SLC9A4: variants seen among roughly 807,000 people sequenced by gnomAD.
SLC9A4 encodes the protein sodium/hydrogen exchanger 4.
A neutral mutation model predicts 67.4 loss-of-function variants in SLC9A4; 63 were observed. The ratio of observed to expected loss-of-function variants is 0.93; its 90% confidence interval spans 0.76 to 1.15. The LOEUF is 1.15. Ranked by LOEUF, SLC9A4 falls within the 50% of genes most tolerant of loss-of-function variation. The pLI is 0.00. For missense variants in SLC9A4, 1,089 were observed against 987.7 expected (o/e 1.10, Z -1.38); for synonymous variants, 393 against 367.2 (o/e 1.07, Z -0.80).
chr2:102,510,693 T>G (rs916174345), intron 6 of SLC9A4, among the ~76,000 whole-genome samples: 2 of 152,264 alleles, frequency 1.3e-5, no homozygotes, highest in Admixed American at 6.5e-5. Flanking sequence ...CCTGTTTGTT[T>G]CTAAAATCAC....
At chr2:102,478,782 A>G in intron 1 of SLC9A4, 57 bp from the exon 2 acceptor site, 2 of 1,534,818 alleles carry the variant, frequency 1.3e-6, no homozygotes, top group Non-Finnish European at 1.8e-6. Context: ...AAAAGACCTC[A>G]GGTACACCCA....
chr2:102,478,791 C>G (rs1380549541), intron 1 of SLC9A4, 48 bp from the exon 2 acceptor site: 2 of 1,573,634 alleles, frequency 1.3e-6, no homozygotes, highest in Non-Finnish European at 1.7e-6. Context: ...CAGGTACACC[C>G]AGACCGTTTC....
At chr2:102,526,380 C>T (rs752184288) in intron 11 of SLC9A4, 34 bp downstream of exon 11, 23 of 1,600,546 alleles carry the variant, frequency 1.4e-5, no homozygotes. Context: ...TGCTGCTTTT[C>T]TGTAGAGTCA....
intron 9 of SLC9A4, among the ~76,000 whole-genome samples, chr2:102,523,467 G>A (rs1208514062): frequency 6.6e-6 from 1 of 152,172 alleles, no homozygotes; most frequent in African/African-American, 2.4e-5. Flanking sequence ...ACCGTCTCAT[G>A]TATGGACTCA....
At chr2:102,510,410 C>A (rs1335883518) in intron 6 of SLC9A4, among the ~76,000 whole-genome samples, 1 of 152,190 alleles carries the variant, frequency 6.6e-6, no homozygotes, top group Non-Finnish European at 1.5e-5. Context: ...CAGGCTGGAA[C>A]CCTCAGGCAT....
chr2:102,503,736 T>A (rs1422258220), intron 3 of SLC9A4, 29 bp downstream of exon 3: 1 of 1,607,848 alleles, frequency 6.2e-7, no homozygotes, highest in East Asian at 2.2e-5. Context: ...TCAAGTCACA[T>A]AGTAATAGAA....
At chr2:102,525,628 C>T (rs1321368320) in intron 10 of SLC9A4, among the ~76,000 whole-genome samples, 1 of 152,030 alleles carries the variant, frequency 6.6e-6, no homozygotes, top group East Asian at 2.0e-4. Context: ...CTGCACTCTT[C>T]CCATTGGAGG....
intron 2 of SLC9A4, among the ~76,000 whole-genome samples, chr2:102,488,239 G>A (rs1558661493): frequency 6.6e-6 from 1 of 151,912 alleles, no homozygotes; most frequent in East Asian, 1.9e-4. Context: ...GCTGCAGTGG[G>A]AAAAAAAACA....
At chr2:102,517,305 G>C (rs957826164) in intron 8 of SLC9A4, among the ~76,000 whole-genome samples, 1 of 152,102 alleles carries the variant, frequency 6.6e-6, no homozygotes, top group South Asian at 2.1e-4. Context: ...CATCTTAGCT[G>C]CTTAAAAAAA....
At chr2:102,493,543 G>A (rs903004161) in intron 2 of SLC9A4, among the ~76,000 whole-genome samples, 5 of 151,874 alleles carry the variant, frequency 3.3e-5, no homozygotes, top group Admixed American at 1.3e-4. Flanking sequence ...CATGAAGACA[G>A]CATGGAGGTA....
rs368303787 is a variant in SLC9A4 at position 102,525,187 on chromosome 2, T to G, written c.1950+32T>G. 1,778 of 1,613,316 alleles carry G rather than the reference T, an allele frequency of 1.1e-3. 4 individuals carry two copies. Among genetic ancestry groups the G allele is most frequent in the South Asian group, 3.3e-3 (299 of 90,998 alleles). Reference sequence around the variant, plus strand: ...TGGGGCTGGGGACTGGGACATTCCTTCAGTGTGCAAGTGTTTGTCATCTGC... The same window carrying G: ...TGGGGCTGGGGACTGGGACATTCCTGCAGTGTGCAAGTGTTTGTCATCTGC... On this transcript the variant is annotated intron_variant, in intron 10 of 11. Coordinates refer to ENST00000295269, the MANE Select transcript of SLC9A4 (RefSeq NM_001011552.4).
At chr2:102,510,627 G>C (rs112967730) in intron 6 of SLC9A4, among the ~76,000 whole-genome samples, 28 of 152,304 alleles carry the variant, frequency 1.8e-4, no homozygotes, top group Non-Finnish European at 3.2e-4. Flanking sequence ...CCGGGGACTT[G>C]CCTGTCTAAA....
At chr2:102,496,252 G>T (rs1383465498) in intron 2 of SLC9A4, among the ~76,000 whole-genome samples, 2 of 152,180 alleles carry the variant, frequency 1.3e-5, no homozygotes, top group African/African-American at 2.4e-5. Flanking sequence ...TATACTCATG[G>T]TCAGTAAGCA....
chr2:102,513,304 T>C (rs560475211), intron 7 of SLC9A4, among the ~76,000 whole-genome samples: 1 of 152,182 alleles, frequency 6.6e-6, no homozygotes, highest in East Asian at 1.9e-4. Context: ...AGGAAACCAA[T>C]TGCCAGATAA....
At chr2:102,526,775 A>G (rs921321766) in intron 11 of SLC9A4, among the ~76,000 whole-genome samples, 3 of 152,310 alleles carry the variant, frequency 2.0e-5, no homozygotes, top group East Asian at 1.9e-4. Flanking sequence ...TAATTTCACT[A>G]AAATGATTTC....
intron 4 of SLC9A4, among the ~76,000 whole-genome samples, chr2:102,506,860 A>C (rs1380678891): frequency 6.6e-6 from 1 of 152,168 alleles, no homozygotes; most frequent in African/African-American, 2.4e-5. Context: ...ACAGTTGAGG[A>C]AACTGATGGA....
chr2:102,521,289 T>C (rs541288816), intron 9 of SLC9A4, among the ~76,000 whole-genome samples: 1 of 152,214 alleles, frequency 6.6e-6, no homozygotes, highest in Non-Finnish European at 1.5e-5. Flanking sequence ...CTTCCTTGGA[T>C]GCAGTTTCCA....
chr2:102,525,218 C>T (rs1253601960), intron 10 of SLC9A4, 63 bp downstream of exon 10: 30 of 1,605,354 alleles, frequency 1.9e-5, no homozygotes, highest in Non-Finnish European at 2.5e-5. Flanking sequence ...TCTGCTGAGC[C>T]TGTTCCTGTA....
chr2:102,486,170 T>C (rs1363979141), intron 2 of SLC9A4, among the ~76,000 whole-genome samples: 2 of 152,246 alleles, frequency 1.3e-5, no homozygotes, highest in African/African-American at 4.8e-5. Flanking sequence ...TATGCTTCAT[T>C]GCAGGTCCTG....
Sources: allele counts gnomAD v4.1 joint callset (sites outside exome capture counted in the v4.1 genomes callset), GRCh38; gene constraint gnomAD v4.1.1; transcripts MANE v1.5; gene names NCBI Gene and HGNC (gene_info 2026-07-23, HGNC 2026-07-21).